Variants in HHAT observed in about 807,000 individuals in gnomAD.
HHAT encodes the protein protein-cysteine N-palmitoyltransferase HHAT.
HHAT carries 47 observed loss-of-function variants against 70.8 expected under a neutral mutation model. The ratio of observed to expected loss-of-function variants is 0.66; its 90% CI spans 0.53 to 0.85. The LOEUF (loss-of-function observed/expected upper bound fraction) is 0.85. Ranked by LOEUF, HHAT falls within the 40% of genes least tolerant of loss-of-function variation. HHAT has a pLI of 0.00. For missense variants in HHAT, 609 were observed against 604.8 expected (o/e 1.01, Z -0.07); for synonymous variants, 228 against 247.6 (o/e 0.92, Z 0.74).
At position 210,362,916 on chromosome 1, in the gene HHAT, G is replaced by T. The variant is rs2088508327; in HGVS notation, c.156G>T (p.Lys52Asn). ...CTGACACTTTATTTGGAGGATTAAA[G>T]AAGGTACAAAGTGGATGCATAATAA... The part of the protein sequence containing the change: ...LETDTLFGGL[K>N]KDATDFEWSF... Residue 52 changes from lysine to asparagine, a missense_variant, in exon 3 of 12, where the codon AAG (lysine) becomes AAT (asparagine). Lys to Asn is a moderately conservative substitution (Grantham distance 94, BLOSUM62 0). Transcript: ENST00000261458. 6.2e-7 allele frequency: 1 copy of T among 1,609,352 alleles called. No individual in the cohort carries two copies. The highest frequency in any genetic ancestry group is 8.5e-7 in the Non-Finnish European group (1 of 1,175,726).
At chr1:210,329,206 T>A (rs2084762778) in intron 1 of HHAT, 102 bp downstream of exon 1, 1 of 1,228,826 alleles carries the variant, frequency 8.1e-7, no homozygotes, top group Non-Finnish European at 1.0e-6. Context: ...CGCTTTCCGT[T>A]TCCTACCCAA....
chr1:210,557,262 G>A (rs889964685), intron 9 of HHAT, among the ~76,000 whole-genome samples: 1 of 152,234 alleles, frequency 6.6e-6, no homozygotes, highest in African/African-American at 2.4e-5. Flanking sequence ...TGTCTTCATT[G>A]TGAGTGGAGG....
chr1:210,673,759 TTTA>T (rs202203883), intron 11 of HHAT, among the ~76,000 whole-genome samples: 52,651 of 135,086 alleles, frequency 0.39, 11,805 homozygotes, highest in South Asian at 0.58. Context: ...GCCTGGCTTA[TTTA>T]TTATTTATTT....
At chr1:210,634,844 A>G (rs1671559664) in intron 11 of HHAT, among the ~76,000 whole-genome samples, 1 of 152,242 alleles carries the variant, frequency 6.6e-6, no homozygotes, top group African/African-American at 2.4e-5. Flanking sequence ...AAGAAAAGCA[A>G]AAGTACATGG....
intron 8 of HHAT, among the ~76,000 whole-genome samples, chr1:210,494,569 T>TTTTTTTTTG (rs2094603485): frequency 8.2e-6 from 1 of 122,622 alleles, no homozygotes; most frequent in African/African-American, 3.0e-5. Context: ...TTTTTTTTTT[T>TTTTTTTTTG]GAGACAGAGT....
chr1:210,667,908 C>T (rs775718331), intron 11 of HHAT, among the ~76,000 whole-genome samples: 5 of 152,198 alleles, frequency 3.3e-5, no homozygotes, highest in African/African-American at 1.2e-4. Context: ...CATCACCATC[C>T]GTCTCGAGTT....
rs148301929 is a variant in HHAT, at chr1:210,374,143, T to C, written c.159+11224T>C. On this transcript the variant is annotated intron_variant, in intron 3 of 11. Coordinates refer to ENST00000261458, the MANE Select transcript of HHAT (RefSeq NM_018194.6). Reference sequence around the variant, plus strand: ...GTTTTCCTCTTTAAGTCTTTTTTTATAAAACATGATCTGCCTCCCCAGGGC... The same window carrying C: ...GTTTTCCTCTTTAAGTCTTTTTTTACAAAACATGATCTGCCTCCCCAGGGC... The C allele has an allele frequency of 2.6e-5, 4 of 152,330 alleles. No homozygotes were observed. The East Asian group carries it at 5.8e-4, about 22-fold the overall frequency. The allele number at this position is 152,330 out of a possible 1,614,324, so 9.4% of individuals were successfully genotyped here. A position where few individuals can be genotyped will look rare whatever the true frequency, so the allele number is the denominator to read the frequency against.
intron 7 of HHAT, among the ~76,000 whole-genome samples, chr1:210,429,793 T>C (rs2093189697): frequency 6.6e-6 from 1 of 151,888 alleles, no homozygotes; most frequent in Admixed American, 6.5e-5. Context: ...GAGGTGTTAA[T>C]TCAGTGCTAT....
At chr1:210,343,624 G>A (rs959207979) in intron 1 of HHAT, among the ~76,000 whole-genome samples, 2 of 152,206 alleles carry the variant, frequency 1.3e-5, no homozygotes, top group African/African-American at 2.4e-5. Flanking sequence ...TCCCTTGGGA[G>A]TAGCAGAGAC....
rs143831386 is a variant in HHAT at position 210,425,139 on chromosome 1, C to T, written c.856+6814C>T. The stretch of plus-strand genomic sequence containing the variant: ...TTTTTCCCCACATGATTCTTGGCCA[C>T]ATGTATGTCTTCTTTTGGAAAGTCT... On this transcript the variant is annotated intron_variant, in intron 7 of 11. Transcript: ENST00000261458. Among the ~76,000 whole-genome samples the T allele has an allele frequency of 3.1e-3, 479 of 152,242 alleles. 7 individuals are homozygous for T. The highest frequency in any genetic ancestry group is 0.011 in the African/African-American group (452 of 41,558).
At chr1:210,524,089 G>A (rs768682060) in intron 9 of HHAT, among the ~76,000 whole-genome samples, 1 of 152,184 alleles carries the variant, frequency 6.6e-6, no homozygotes, top group Admixed American at 6.5e-5. Context: ...GTTGCCAGGG[G>A]GTGGGGGAAG....
intron 7 of HHAT, among the ~76,000 whole-genome samples, chr1:210,457,443 G>A (rs1265613477): frequency 6.6e-6 from 1 of 152,142 alleles, no homozygotes; most frequent in Non-Finnish European, 1.5e-5. Context: ...TTATTAGAGG[G>A]ACTTGGAACA....
At chr1:210,529,730 C>T (rs115048665) in intron 9 of HHAT, among the ~76,000 whole-genome samples, 2,271 of 152,224 alleles carry the variant, frequency 0.015, 26 homozygotes, top group Non-Finnish European at 0.021. Context: ...GCTTTCCCTG[C>T]AGCATAAACA....
chr1:210,656,687 T>C (rs1676495257), intron 11 of HHAT, among the ~76,000 whole-genome samples: 1 of 152,170 alleles, frequency 6.6e-6, no homozygotes. Context: ...ATGTGGGGTC[T>C]TCTGTATTCC....
chr1:210,542,496 A>AAAAATAT lies in HHAT; in HGVS notation c.1043+29309_1043+29310insAAATATA, dbSNP rs56743887. Among the ~76,000 whole-genome samples, 262 of 149,486 alleles carry AAAAATAT rather than the reference A, an allele frequency of 1.8e-3. 2 individuals carry two copies. The highest frequency in any genetic ancestry group is 3.2e-3 in the South Asian group (15 of 4,680). On this transcript the variant is annotated intron_variant, in intron 9 of 11. Coordinates refer to ENST00000261458, the MANE Select transcript of HHAT (RefSeq NM_018194.6). ...GCATCAGTGTTTTAGTTAAAAAAAA[A>AAAAATAT]ATATATATATATATATATTGGTTGG...
chr1:210,357,505 T>C (rs1052222774), intron 2 of HHAT, among the ~76,000 whole-genome samples: 1 of 152,222 alleles, frequency 6.6e-6, no homozygotes, highest in Non-Finnish European at 1.5e-5. Flanking sequence ...GACTGTCCAA[T>C]CTTCATCAAA....
intron 8 of HHAT, among the ~76,000 whole-genome samples, chr1:210,504,298 C>T (rs911614932): frequency 5.7e-4 from 87 of 152,146 alleles, no homozygotes; most frequent in African/African-American, 1.5e-3. Flanking sequence ...TTCTTAATGA[C>T]GTCTAAGGAG....
chr1:210,642,337 G>A (rs936451652), intron 11 of HHAT, among the ~76,000 whole-genome samples: 3 of 152,134 alleles, frequency 2.0e-5, no homozygotes, highest in Admixed American at 6.6e-5. Flanking sequence ...TTTAGATTGA[G>A]ACTGTTAAAA....
chr1:210,347,816 C>T (rs1211094111), intron 1 of HHAT, among the ~76,000 whole-genome samples: 1 of 152,152 alleles, frequency 6.6e-6, no homozygotes, highest in East Asian at 1.9e-4. Flanking sequence ...TTCACCTCTT[C>T]ATCCACGGAG....
Sources: allele counts gnomAD v4.1 joint callset (sites outside exome capture counted in the v4.1 genomes callset), GRCh38; gene constraint gnomAD v4.1.1; transcripts MANE v1.5; gene names NCBI Gene and HGNC (gene_info 2026-07-23, HGNC 2026-07-21).